ANKRD42: variants seen among roughly 807,000 people sequenced by gnomAD.
ANKRD42 encodes the protein ankyrin repeat domain-containing protein 42.
In ANKRD42, 43 loss-of-function variants were observed where a neutral mutation model predicts 51.5. The observed-to-expected ratio is 0.83, with a 90% CI of 0.65 to 1.08. The LOEUF is 1.08. ANKRD42 is among the 50% of genes least tolerant of loss of function. The pLI, the probability that ANKRD42 is intolerant of heterozygous loss-of-function variation, is 0.00. For synonymous variants in ANKRD42, 203 were observed against 213.0 expected (o/e 0.95, Z 0.41); for missense variants, 608 against 629.3 (o/e 0.97, Z 0.36).
chr11:83,212,912 T>A, intron 5 of ANKRD42: 1 of 1,466,226 alleles, frequency 6.8e-7, no homozygotes. Flanking sequence ...AGTTTTTTTT[T>A]TTAAAGTAAA....
intron 5 of ANKRD42, among the ~76,000 whole-genome samples, chr11:83,211,897 A>G (rs1862336738): frequency 6.6e-6 from 1 of 152,100 alleles, no homozygotes; most frequent in Non-Finnish European, 1.5e-5. Context: ...TTTATCTTAC[A>G]TCACACCCAT....
intron 5 of ANKRD42, chr11:83,214,445 C>G: frequency 1.0e-6 from 1 of 981,678 alleles, no homozygotes; most frequent in Non-Finnish European, 1.2e-6. Context: ...CTTGTCTGGT[C>G]ATTAAAAAAT....
At chr11:83,219,079 A>G (rs1042505470) in intron 5 of ANKRD42, among the ~76,000 whole-genome samples, 7 of 152,092 alleles carry the variant, frequency 4.6e-5, no homozygotes, top group African/African-American at 1.4e-4. Flanking sequence ...TCTGGTTTTC[A>G]AGGTGTGGTG....
chr11:83,260,440 AAT>A (rs1377387574), downstream of ANKRD42: 3 of 152,204 alleles, frequency 2.0e-5, no homozygotes, highest in Non-Finnish European at 2.9e-5. Context: ...TCTCTTAGGC[AAT>A]AGAGATAAAA....
intron 1 of ANKRD42, among the ~76,000 whole-genome samples, chr11:83,198,000 G>C (rs950280878): frequency 9.2e-5 from 14 of 152,142 alleles, no homozygotes; most frequent in African/African-American, 3.4e-4. Flanking sequence ...ATGGTAACCT[G>C]GTGAGGTTTC....
rs781214379 is a variant in ANKRD42, at chr11:83,240,828, A to G, written c.1089A>G (p.Glu363=). Reference sequence around the variant, plus strand: ...AATATGATATAGATGACGAAAATGAAATTGATGAAAATGATGTGAAATATT... The same window carrying G: ...AATATGATATAGATGACGAAAATGAGATTGATGAAAATGATGTGAAATATT... ...LQKYDIDDEN[E]IDENDVKYFI... is the part of the protein sequence containing the mutation. Residue 363 remains glutamate (E), a synonymous_variant, in exon 9 of 11, where the codon GAA becomes GAG. Transcript: ENST00000533342. The G allele has an allele frequency of 7.4e-6, 12 of 1,613,988 alleles. No individual in the cohort carries two copies. The highest frequency in any genetic ancestry group is 1.7e-6 in the Non-Finnish European group (2 of 1,179,992).
intron 1 of ANKRD42, among the ~76,000 whole-genome samples, chr11:83,195,650 A>G (rs1861617868): frequency 6.6e-6 from 1 of 152,172 alleles, no homozygotes; most frequent in Non-Finnish European, 1.5e-5. Flanking sequence ...TGATAAAGCC[A>G]CACACCTTGG....
rs370358151 is a variant in ANKRD42, at chr11:83,224,975, C to T, written c.707C>T (p.Ala236Val). The T allele has an allele frequency of 1.0e-4, 168 of 1,613,486 alleles. No homozygotes were observed. The highest frequency in any genetic ancestry group is 1.2e-4 in the Non-Finnish European group (147 of 1,179,712). The change falls in exon 6 of 11, where the codon GCC becomes GTC. Residue 236 changes from alanine (A) to valine (V), a missense_variant. Ala to Val is a moderately conservative substitution (Grantham distance 64). Transcript: ENST00000533342. ...NDNGENVLDL[A>V]QRFFKQNILQ... Reference sequence around the variant, plus strand: ...AATGGAGAAAATGTACTGGATTTGGCCCAGAGGTTCTTCAAGCAGAACATT... The same window carrying T: ...AATGGAGAAAATGTACTGGATTTGGTCCAGAGGTTCTTCAAGCAGAACATT...
Position 83,213,468 on chromosome 11 carries a change from A to G in ANKRD42, c.586+2038A>G, listed in dbSNP as rs1862406904. On this transcript the variant is annotated intron_variant, in intron 5 of 10. Coordinates refer to ENST00000533342, the MANE Select transcript of ANKRD42 (RefSeq NM_001300975.2). ...AAAAACTGCAAAGAAAAACCAAAAA[A>G]CAACAACAAAAAATTATTTTGTGTT... is the stretch of plus-strand genomic sequence containing the variant. 3.6e-6 allele frequency: 5 copies of G among 1,383,928 alleles called. No homozygotes were observed. The South Asian group carries it at 4.4e-5, about 12-fold the overall frequency. 85.7% of individuals were successfully genotyped at this position (1,383,928 alleles called of 1,614,324 possible). A position where few individuals can be genotyped will look rare whatever the true frequency, so the allele number is the denominator to read the frequency against.
chr11:83,204,776 T>G (rs1300902254), intron 2 of ANKRD42, among the ~76,000 whole-genome samples: 2 of 152,102 alleles, frequency 1.3e-5, no homozygotes, highest in Non-Finnish European at 2.9e-5. Context: ...ATCACGTACC[T>G]AAGAACTTGT....
rs1862061666 is a variant in ANKRD42 at position 83,206,101 on chromosome 11, TAAC to T, written c.270_272del (p.Thr91del). 6.2e-7 allele frequency: 1 copy of T among 1,614,068 alleles called. No individual in the cohort carries two copies. The highest frequency in any genetic ancestry group is 8.5e-7 in the Non-Finnish European group (1 of 1,179,932). On this transcript the variant is annotated inframe_deletion, in exon 3 of 11. Coordinates refer to ENST00000533342, the MANE Select transcript of ANKRD42 (RefSeq NM_001300975.2). ...TGGCATGGAGCTGATATCACACACGTAACAACGAGAGGTTGGACAGCATCTCAC... is the reference window on the plus strand; with the variant it reads ...TGGCATGGAGCTGATATCACACACGTAACGAGAGGTTGGACAGCATCTCAC...
chr11:83,212,914 TA>T, intron 5 of ANKRD42: 2 of 1,463,902 alleles, frequency 1.4e-6, no homozygotes, highest in South Asian at 1.4e-5. Context: ...TTTTTTTTTT[TA>T]AAGTAAAATT....
intron 4 of ANKRD42, 119 bp downstream of exon 4, chr11:83,210,538 T>A (rs1862274011): frequency 1.6e-6 from 2 of 1,223,486 alleles, no homozygotes. Flanking sequence ...GGAAACTAAT[T>A]TAATTTTTCT....
chr11:83,250,655 C>A (rs777730595), downstream of ANKRD42, among the ~76,000 whole-genome samples: 1 of 151,964 alleles, frequency 6.6e-6, no homozygotes, highest in East Asian at 1.9e-4. Flanking sequence ...CATTTCCACC[C>A]GAAATTCCTG....
Position 83,240,669 on chromosome 11 carries a change from A to T in ANKRD42, c.1020-90A>T, listed in dbSNP as rs1190136642. The stretch of plus-strand genomic sequence containing the variant: ...GGTGAGTGGATTGATGGCAGGGTGT[A>T]CAGAGTGTAATCCCCTAAGTTAAGT... On this transcript the variant is annotated intron_variant, in intron 8 of 10. Coordinates refer to ENST00000533342, the MANE Select transcript of ANKRD42 (RefSeq NM_001300975.2). The T allele has an allele frequency of 2.1e-6, 3 of 1,424,100 alleles. No homozygotes were observed. In the African/African-American group the frequency reaches 4.3e-5, roughly 20 times the overall value. 88.2% of individuals were successfully genotyped at this position (1,424,100 alleles called of 1,614,324 possible).
downstream of ANKRD42, among the ~76,000 whole-genome samples, chr11:83,262,566 T>A (rs1671307535): frequency 6.6e-6 from 1 of 152,168 alleles, no homozygotes; most frequent in Non-Finnish European, 1.5e-5. Context: ...AGAAGGTAAG[T>A]CTGAGTGAGG....
chr11:83,261,945 G>A (rs2135579061), downstream of ANKRD42: 1 of 1,601,546 alleles, frequency 6.2e-7, no homozygotes, highest in East Asian at 2.3e-5. Context: ...CAATGCTATT[G>A]CCAGGCAAGT....
In ANKRD42 at chr11:83,233,352, A is replaced by G. The variant is rs544218379; in HGVS notation, c.914-3052A>G. ...GTGTCTAGGAATTTATTTCTTCTAG[A>G]TTTTCCAATTTATTGGTATATAGTT... On this transcript the variant is annotated intron_variant, in intron 7 of 10. Transcript: ENST00000533342. Among the ~76,000 whole-genome samples, 9 of 151,332 alleles carry G rather than the reference A, an allele frequency of 5.9e-5. No individual in the cohort carries two copies. The East Asian group carries it at 1.6e-3, about 26-fold the overall frequency.
chr11:83,250,178 C>T (rs1183683355), downstream of ANKRD42, among the ~76,000 whole-genome samples: 1 of 152,126 alleles, frequency 6.6e-6, no homozygotes, highest in Non-Finnish European at 1.5e-5. Context: ...AAGTCTTTCT[C>T]CTGCCACCTT....
Sources: allele counts gnomAD v4.1 joint callset (sites outside exome capture counted in the v4.1 genomes callset), GRCh38; gene constraint gnomAD v4.1.1; transcripts MANE v1.5; gene names NCBI Gene and HGNC (gene_info 2026-07-23, HGNC 2026-07-21).